The following SYN3 variants were observed in gnomAD, a reference collection of about 807,000 sequenced individuals.
The protein encoded by SYN3 is synapsin III.
In SYN3, 35 loss-of-function variants were observed where a neutral mutation model predicts 65.8. The observed-to-expected ratio is 0.53, with a 90% CI of 0.41 to 0.70. The LOEUF (loss-of-function observed/expected upper bound fraction) is 0.70, where lower values mean the gene tolerates loss of function less well. SYN3 is among the 30% of genes least tolerant of loss of function. The pLI, the probability that SYN3 is intolerant of heterozygous loss-of-function variation, is 0.00. For missense variants in SYN3, 680 were observed against 749.0 expected (o/e 0.91, Z 1.08); for synonymous variants, 270 against 292.9 (o/e 0.92, Z 0.80).
chr22:32,886,281 C>T (rs1240396346), intron 4 of SYN3, among the ~76,000 whole-genome samples: 1 of 152,196 alleles, frequency 6.6e-6, no homozygotes, highest in African/African-American at 2.4e-5. Context: ...AACTCAGTCA[C>T]TTCTGCGAGG....
At chr22:32,961,870 C>T (rs560245867) in intron 3 of SYN3, among the ~76,000 whole-genome samples, 2 of 152,270 alleles carry the variant, frequency 1.3e-5, no homozygotes, top group Non-Finnish European at 1.5e-5. Flanking sequence ...AGTAGCATTG[C>T]GGTTACTAGC....
intron 6 of SYN3, among the ~76,000 whole-genome samples, chr22:32,671,818 C>T (rs1414962206): frequency 3.3e-5 from 5 of 151,676 alleles, no homozygotes; most frequent in African/African-American, 1.2e-4. Flanking sequence ...CACGCTGTGA[C>T]ACAGGTGCAC....
At chr22:32,771,050 C>A (rs2045756495) in intron 6 of SYN3, among the ~76,000 whole-genome samples, 2 of 152,038 alleles carry the variant, frequency 1.3e-5, no homozygotes. Context: ...TAATGCTCTC[C>A]CTCCCCTTGC....
chr22:32,735,033 G>C (rs1273381724), intron 6 of SYN3, among the ~76,000 whole-genome samples: 1 of 152,160 alleles, frequency 6.6e-6, no homozygotes, highest in Non-Finnish European at 1.5e-5. Flanking sequence ...GGGCAATTGC[G>C]CAGGATTTGG....
intron 7 of SYN3, among the ~76,000 whole-genome samples, chr22:32,569,234 C>G (rs2058712458): frequency 6.7e-6 from 1 of 148,568 alleles, no homozygotes; most frequent in African/African-American, 2.5e-5. Context: ...TTCTTTCTTT[C>G]TATCTATCTC....
rs1034830063 is a variant in SYN3, at chr22:32,772,417, G to A, written c.711+92498C>T. Among the ~76,000 whole-genome samples the A allele has an allele frequency of 5.3e-5, 8 of 152,072 alleles. No homozygotes were observed. In the East Asian group the frequency reaches 1.5e-3, roughly 29 times the overall value. ...CAGAAGGGCAGAATCAGAGGTAGGAGCTGTCCCATCTCGGGCAAGCTTCCT... is the reference window on the plus strand; with the variant it reads ...CAGAAGGGCAGAATCAGAGGTAGGAACTGTCCCATCTCGGGCAAGCTTCCT... On this transcript the variant is annotated intron_variant, in intron 6 of 13. Coordinates refer to ENST00000358763, the MANE Select transcript of SYN3 (RefSeq NM_003490.4).
intron 6 of SYN3, among the ~76,000 whole-genome samples, chr22:32,776,301 A>C (rs1375234464): frequency 6.6e-6 from 1 of 152,140 alleles, no homozygotes; most frequent in Non-Finnish European, 1.5e-5. Context: ...TGTCATTTTA[A>C]GTCACTTGGT....
intron 6 of SYN3, among the ~76,000 whole-genome samples, chr22:32,780,848 A>T (rs5754282): frequency 4.6e-4 from 70 of 151,772 alleles, no homozygotes; most frequent in African/African-American, 8.5e-4. Flanking sequence ...AGCAGTACCC[A>T]GCGTAATAAG....
intron 6 of SYN3, among the ~76,000 whole-genome samples, chr22:32,631,524 T>G (rs1214578639): frequency 2.0e-5 from 3 of 152,120 alleles, no homozygotes; most frequent in Non-Finnish European, 4.4e-5. Context: ...AGTCAAGTAA[T>G]TTCACAGATC....
chr22:32,824,840 T>C (rs184736046), intron 6 of SYN3, among the ~76,000 whole-genome samples: 2 of 152,284 alleles, frequency 1.3e-5, no homozygotes, highest in Admixed American at 1.3e-4. Flanking sequence ...AAAGAGATGC[T>C]CCCTACTCTT....
At chr22:32,629,984 T>C (rs1182120355) in intron 6 of SYN3, 2 of 142,364 alleles carry the variant, frequency 1.4e-5, no homozygotes, top group Admixed American at 6.7e-5. Flanking sequence ...TATATAGGTA[T>C]GTATTTTTTT....
chr22:32,551,575 TTA>T (rs2058416109), intron 7 of SYN3, among the ~76,000 whole-genome samples: 1 of 151,368 alleles, frequency 6.6e-6, no homozygotes, highest in Admixed American at 6.6e-5. Flanking sequence ...CATAAGAGGC[TTA>T]TGTCATACTA....
chr22:32,937,443 T>G (rs1446053497), intron 3 of SYN3, among the ~76,000 whole-genome samples: 1 of 152,178 alleles, frequency 6.6e-6, no homozygotes, highest in East Asian at 1.9e-4. Context: ...CTCACAGTTG[T>G]GTGGGCTGAA....
chr22:32,921,587 C>A (rs1453233970), intron 4 of SYN3, among the ~76,000 whole-genome samples: 1 of 152,188 alleles, frequency 6.6e-6, no homozygotes, highest in Non-Finnish European at 1.5e-5. Flanking sequence ...AATCAGAGAC[C>A]TGGGTTCAAA....
intron 6 of SYN3, among the ~76,000 whole-genome samples, chr22:32,813,492 C>CAT (rs2046968875): frequency 2.4e-5 from 1 of 41,310 alleles, no homozygotes; most frequent in Admixed American, 2.5e-4. Context: ...AAGATACACA[C>CAT]ACACACACAC....
chr22:32,739,457 C>A (rs1403625609), intron 6 of SYN3, among the ~76,000 whole-genome samples: 2 of 151,088 alleles, frequency 1.3e-5, no homozygotes, highest in Non-Finnish European at 2.9e-5. Context: ...AGTGTCCCTT[C>A]AAAGTCCCCA....
intron 4 of SYN3, among the ~76,000 whole-genome samples, chr22:32,910,783 T>G (rs1430934481): frequency 6.6e-6 from 1 of 152,230 alleles, no homozygotes; most frequent in Non-Finnish European, 1.5e-5. Context: ...AATTAATCTC[T>G]CTAAATGTGC....
intron 6 of SYN3, among the ~76,000 whole-genome samples, chr22:32,603,965 C>A (rs776721640): frequency 3.9e-5 from 6 of 152,184 alleles, no homozygotes; most frequent in African/African-American, 1.4e-4. Flanking sequence ...TCAAAAGAAC[C>A]CAAAGAAACC....
chr22:32,651,396 G>A (rs2060068025), intron 6 of SYN3, among the ~76,000 whole-genome samples: 1 of 152,138 alleles, frequency 6.6e-6, no homozygotes, highest in South Asian at 2.1e-4. Context: ...TGAGTTAGGA[G>A]GTCTCCAGCT....
Sources: gnomAD v4.1 joint callset for allele counts (sites outside exome capture counted in the v4.1 genomes callset) on GRCh38, gnomAD v4.1.1 for gene constraint, MANE v1.5 for transcripts, NCBI Gene and HGNC (gene_info 2026-07-23, HGNC 2026-07-21) for gene names.